PTH1R: variants seen among roughly 807,000 people sequenced by gnomAD.
The protein encoded by PTH1R is parathyroid hormone/parathyroid hormone-related peptide receptor.
In PTH1R, 32 loss-of-function variants were observed where a neutral mutation model predicts 70.7. The ratio of observed to expected loss-of-function variants is 0.45; its 90% CI spans 0.34 to 0.61. The LOEUF (loss-of-function observed/expected upper bound fraction) is 0.61. Among genes scored for constraint, PTH1R ranks in the 20% least tolerant of loss-of-function variants. The pLI is 0.01. For missense variants in PTH1R, 626 were observed against 792.5 expected (o/e 0.79, Z 2.52); for synonymous variants, 329 against 324.8 (o/e 1.01, Z -0.14).
intron 1 of PTH1R, among the ~76,000 whole-genome samples, chr3:46,878,244 G>A (rs1244688231): frequency 6.6e-6 from 1 of 152,232 alleles, no homozygotes. Flanking sequence ...GTCAGGGGGT[G>A]TTTATGAGCA....
In PTH1R at chr3:46,901,761, C is replaced by T. The variant is rs767524884; in HGVS notation, c.1117-5C>T. The T allele has an allele frequency of 3.1e-6, 5 of 1,613,728 alleles. No homozygotes were observed. The highest frequency in any genetic ancestry group is 4.2e-6 in the Non-Finnish European group (5 of 1,179,628). On this transcript the variant is annotated splice_polypyrimidine_tract_variant and splice_region_variant and intron_variant, in intron 12 of 15. Transcript: ENST00000449590. The surrounding 1 kb of genome is among the most constrained non-coding windows in gnomAD (Gnocchi z 7.3). ...CCTCCAGACGCAGCCCCCTCACTCC[C>T]ACAGCTCAACTTCATCCTCTTCATC... is the stretch of plus-strand genomic sequence containing the variant.
At chr3:46,898,600 T>C (rs1200604140) in intron 8 of PTH1R, 62 bp from the exon 9 acceptor site, 2 of 1,605,218 alleles carry the variant, frequency 1.2e-6, no homozygotes, top group Non-Finnish European at 1.7e-6. Context: ...ACAACCCAGC[T>C]TCCTGTCCAC....
intron 3 of PTH1R, among the ~76,000 whole-genome samples, chr3:46,890,019 A>T (rs1186556507): frequency 6.6e-6 from 1 of 152,190 alleles, no homozygotes. Context: ...CTTCATCCCC[A>T]GGAGATAAGG....
chr3:46,890,351 C>T (rs1041766392), intron 3 of PTH1R, among the ~76,000 whole-genome samples: 1 of 152,164 alleles, frequency 6.6e-6, no homozygotes, highest in African/African-American at 2.4e-5. Context: ...GCACCCATGT[C>T]ACCAGGCAGC....
rs180706296 is a variant in PTH1R, at chr3:46,884,868, G to T, written c.75+1234G>T. On this transcript the variant is annotated intron_variant, in intron 3 of 15. Transcript: ENST00000449590. This position sits in a 1 kb window ranked among gnomAD's most constrained non-coding sequence, Gnocchi z 4.8. ...TCTGCCTGAGAATCCCATCATCAGAGGCTCTCCCTTCCTCTGAGGTCCTCA... is the reference window on the plus strand; with the variant it reads ...TCTGCCTGAGAATCCCATCATCAGATGCTCTCCCTTCCTCTGAGGTCCTCA... Among the ~76,000 whole-genome samples, 682 of 152,292 alleles carry T rather than the reference G, an allele frequency of 4.5e-3. 11 individuals carry two copies. Among genetic ancestry groups the T allele is most frequent in the Middle Eastern group, 0.034 (10 of 294 alleles).
At chr3:46,894,493 A>G (rs2031620691) in intron 4 of PTH1R, among the ~76,000 whole-genome samples, 1 of 152,100 alleles carries the variant, frequency 6.6e-6, no homozygotes. Context: ...GCCAGCCCCA[A>G]CAGTGGCTCC....
In PTH1R at chr3:46,901,378, A is replaced by T. The variant is rs1162559230; in HGVS notation, c.1050-36A>T. On this transcript the variant is annotated intron_variant, in intron 11 of 15. Coordinates refer to ENST00000449590, the MANE Select transcript of PTH1R (RefSeq NM_000316.3). The surrounding 1 kb of genome is among the most constrained non-coding windows in gnomAD (Gnocchi z 7.3). ...CTGTGGGCAGTCTTAGGATGGGAAC[A>T]GGAGGGATGGGAGCTAATGCCTCAA... The T allele has an allele frequency of 3.2e-6, 5 of 1,554,138 alleles. No homozygotes were observed. Among genetic ancestry groups the T allele is most frequent in the Admixed American group, 3.9e-5 (2 of 51,388 alleles).
chr3:46,898,570 G>A, intron 8 of PTH1R, 92 bp from the exon 9 acceptor site: 5 of 1,599,012 alleles, frequency 3.1e-6, no homozygotes, highest in South Asian at 1.1e-5. Flanking sequence ...ACCCCCGGCG[G>A]GTGTCCCTAC....
rs1362687316 is a variant in PTH1R, at chr3:46,883,286, G to A, written c.-48-226G>A. On this transcript the variant is annotated intron_variant, in intron 2 of 15. Coordinates refer to ENST00000449590, the MANE Select transcript of PTH1R (RefSeq NM_000316.3). This position sits in a 1 kb window ranked among gnomAD's most constrained non-coding sequence, Gnocchi z 6.4. Reference sequence around the variant, plus strand: ...GACGGGCCGCTCCGCAGCGCTCGGCGCCCGCCCGCCGCCCGCCCGGCCTCC... The same window carrying A: ...GACGGGCCGCTCCGCAGCGCTCGGCACCCGCCCGCCGCCCGCCCGGCCTCC... The A allele has an allele frequency of 1.1e-5, 3 of 277,390 alleles. No individual in the cohort carries two copies. The highest frequency in any genetic ancestry group is 2.0e-5 in the Non-Finnish European group (3 of 149,664). The allele number at this position is 277,390 out of a possible 1,614,324, so 17.2% of individuals were successfully genotyped here.
At position 46,903,158 on chromosome 3, in the gene PTH1R, C is replaced by A; in HGVS notation, c.1396-112C>A. ...GGGATTTCACTTGGCCTTGGAGTTT[C>A]CCAGGAGTCCCCTATTCCCATTTTC... On this transcript the variant is annotated intron_variant, in intron 15 of 15. Transcript: ENST00000449590. The surrounding 1 kb of genome is among the most constrained non-coding windows in gnomAD (Gnocchi z 4.4). 6.5e-7 allele frequency: 1 copy of A among 1,543,226 alleles called. No individual in the cohort carries two copies. Among genetic ancestry groups the A allele is most frequent in the Non-Finnish European group, 8.8e-7 (1 of 1,142,796 alleles).
chr3:46,893,771 T>G lies in PTH1R; in HGVS notation c.76-136T>G. The G allele has an allele frequency of 1.3e-6, 1 of 790,398 alleles. No homozygotes were observed. The highest frequency in any genetic ancestry group is 1.5e-5 in the South Asian group (1 of 65,260). 49.0% of individuals were successfully genotyped at this position (790,398 alleles called of 1,614,324 possible). ...AGCTCCATAGAGCAGATTCCCCACA[T>G]GCAGGGGAAATCCCACCTTCCCTCT... On this transcript the variant is annotated intron_variant, in intron 3 of 15. Coordinates refer to ENST00000449590, the MANE Select transcript of PTH1R (RefSeq NM_000316.3). The surrounding 1 kb of genome is among the most constrained non-coding windows in gnomAD (Gnocchi z 5.2).
In PTH1R at chr3:46,902,675, G is replaced by T. The variant is rs201749357; in HGVS notation, c.1353+8G>T. On this transcript the variant is annotated splice_region_variant and intron_variant, in intron 14 of 15. Transcript: ENST00000449590. This position sits in a 1 kb window ranked among gnomAD's most constrained non-coding sequence, Gnocchi z 5.4. ...CTCTTCAACTCCTTCCAGGTGCGCAGTGCTGGCCCGGGCCTGGCTGAGGGT... is the reference window on the plus strand; with the variant it reads ...CTCTTCAACTCCTTCCAGGTGCGCATTGCTGGCCCGGGCCTGGCTGAGGGT... 1.4e-5 allele frequency: 22 copies of T among 1,614,006 alleles called. No individual in the cohort carries two copies. The highest frequency in any genetic ancestry group is 3.3e-4 in the Middle Eastern group (2 of 6,076).
chr3:46,878,984 T>A lies in PTH1R; in HGVS notation c.-106+1141T>A, dbSNP rs183236942. Among the ~76,000 whole-genome samples, 52 of 152,326 alleles carry A rather than the reference T, an allele frequency of 3.4e-4. No individual in the cohort carries two copies. In the South Asian group the frequency reaches 9.7e-3, roughly 29 times the overall value. On this transcript the variant is annotated intron_variant, in intron 1 of 15. Coordinates refer to ENST00000449590, the MANE Select transcript of PTH1R (RefSeq NM_000316.3). Reference sequence around the variant, plus strand: ...TAACCAGAAACTGACTCTGAGCCCCTGGGGCGTGCTTGTCAAAAAGGGCAA... The same window carrying A: ...TAACCAGAAACTGACTCTGAGCCCCAGGGGCGTGCTTGTCAAAAAGGGCAA...
intron 3 of PTH1R, among the ~76,000 whole-genome samples, chr3:46,885,543 A>G (rs939906854): frequency 1.3e-5 from 2 of 151,878 alleles, no homozygotes; most frequent in African/African-American, 4.8e-5. Context: ...GAGTATGGGT[A>G]CCCAGAGCCC....
rs973774035 is a variant in PTH1R at position 46,882,122 on chromosome 3, G to A, written c.-49+1004G>A. On this transcript the variant is annotated intron_variant, in intron 2 of 15. Coordinates refer to ENST00000449590, the MANE Select transcript of PTH1R (RefSeq NM_000316.3). The surrounding 1 kb of genome is among the most constrained non-coding windows in gnomAD (Gnocchi z 4.3). Reference sequence around the variant, plus strand: ...GCCTCGGCCTCTAGCGCAATGTCCCGGGGCGGGGGGCGGAAGGCTCCTCTC... The same window carrying A: ...GCCTCGGCCTCTAGCGCAATGTCCCAGGGCGGGGGGCGGAAGGCTCCTCTC... 1 of 151,632 alleles carries A rather than the reference G, an allele frequency of 6.6e-6. No individual in the cohort carries two copies. The highest frequency in any genetic ancestry group is 2.1e-4 in the South Asian group (1 of 4,802). 9.4% of individuals were successfully genotyped at this position (151,632 alleles called of 1,614,324 possible).
chr3:46,897,693 T>C (rs772007513), intron 5 of PTH1R, among the ~76,000 whole-genome samples, 162 bp from the exon 6 acceptor site: 2 of 152,150 alleles, frequency 1.3e-5, no homozygotes, highest in East Asian at 3.9e-4. Flanking sequence ...ATCACGCCAT[T>C]GCCCTCCAGC....
At chr3:46,878,468 T>C (rs1221804637) in intron 1 of PTH1R, among the ~76,000 whole-genome samples, 1 of 152,162 alleles carries the variant, frequency 6.6e-6, no homozygotes, top group Non-Finnish European at 1.5e-5. Context: ...CTGGGGCTCA[T>C]GATGGAGATA....
In PTH1R at chr3:46,903,346, G is replaced by A. The variant is rs377046870; in HGVS notation, c.1472G>A (p.Ser491Asn). ...LDFKRKARSGSSSYSYGPMVS... is the reference protein window; with the variant it reads ...LDFKRKARSGNSSYSYGPMVS... ...TTCAAGCGAAAGGCACGCAGCGGGA[G>A]CAGCAGCTATAGCTACGGCCCCATG... The change falls in exon 16 of 16, where the codon AGC becomes AAC. Residue 491 changes from serine to asparagine, a missense_variant. Coordinates refer to ENST00000449590, the MANE Select transcript of PTH1R (RefSeq NM_000316.3). This position sits in a 1 kb window ranked among gnomAD's most constrained non-coding sequence, Gnocchi z 4.4. 2.0e-5 allele frequency: 33 copies of A among 1,613,628 alleles called. No individual in the cohort carries two copies. Among genetic ancestry groups the A allele is most frequent in the Non-Finnish European group, 2.8e-5 (33 of 1,180,032 alleles).
chr3:46,901,444 G>A lies in PTH1R; in HGVS notation c.1080G>A (p.Lys360=), dbSNP rs1186795494. ...GGGACTTGAGCTCCGGGAACAAAAAGTGGATCATCCAGGTGCCCATCCTGG... is the reference window on the plus strand; with the variant it reads ...GGGACTTGAGCTCCGGGAACAAAAAATGGATCATCCAGGTGCCCATCCTGG... ...GCWDLSSGNK[K]WIIQVPILAS... The change falls in exon 12 of 16, where the codon AAG becomes AAA. Residue 360 remains lysine (K), a synonymous_variant. Transcript: ENST00000449590. The surrounding 1 kb of genome is among the most constrained non-coding windows in gnomAD (Gnocchi z 7.3). 20 of 1,576,956 alleles carry A rather than the reference G, an allele frequency of 1.3e-5. No homozygotes were observed. The highest frequency in any genetic ancestry group is 1.6e-5 in the Non-Finnish European group (19 of 1,160,588).
Sources: gnomAD v4.1 joint callset for allele counts (sites outside exome capture counted in the v4.1 genomes callset) on GRCh38, gnomAD v4.1.1 for gene constraint, Gnocchi (gnomAD v3.1) non-coding constraint, MANE v1.5 for transcripts, NCBI Gene and HGNC (gene_info 2026-07-23, HGNC 2026-07-21) for gene names.